The following RAG1 variants were observed in gnomAD, a reference collection of about 807,000 sequenced individuals.
RAG1 encodes the protein V(D)J recombination-activating protein 1.
A neutral mutation model predicts 62.7 loss-of-function variants in RAG1; 35 were observed. The observed-to-expected ratio is 0.56, with a 90% confidence interval of 0.43 to 0.74. RAG1 has a LOEUF of 0.74. Ranked by LOEUF, RAG1 falls within the 30% of genes least tolerant of loss-of-function variation. The probability of loss-of-function intolerance (pLI) is 0.00; values close to 1 mark genes in which losing one functional copy is unlikely to be tolerated. For missense variants in RAG1, 1,169 were observed against 1,278.6 expected (o/e 0.91, Z 1.31); for synonymous variants, 461 against 470.3 (o/e 0.98, Z 0.26).
intron 2 of RAG1, among the ~76,000 whole-genome samples, chr11:36,528,101 A>T (rs544494251): frequency 2.0e-5 from 3 of 152,168 alleles, no homozygotes; most frequent in Admixed American, 1.3e-4. Context: ...ACAAAAAATT[A>T]ATGATATTCA....
In RAG1 at chr11:36,573,498, T is replaced by G; in HGVS notation, c.194T>G (p.Val65Gly). The G allele has an allele frequency of 6.2e-7, 1 of 1,614,160 alleles. No individual in the cohort carries two copies. The highest frequency in any genetic ancestry group is 8.5e-7 in the Non-Finnish European group (1 of 1,180,020). ...CCCTCTCTGGAGCAATCTCCAGCAG[T>G]CCTGGACAAGGCTGATGGTCAGAAG... is the stretch of plus-strand genomic sequence containing the variant. The part of the protein sequence containing the change: ...GKPSLEQSPA[V>G]LDKADGQKPV... Residue 65 changes from valine (V) to glycine (G), a missense_variant, in exon 2 of 2, where the codon GTC becomes GGC. Val to Gly is a moderately radical substitution (Grantham distance 109). This residue lies in a region of RAG1 where 369 missense variants were observed against 335.3 expected (regional missense o/e 1.10). Transcript: ENST00000299440.
upstream of RAG1, among the ~76,000 whole-genome samples, chr11:36,566,269 C>T (rs1850660415): frequency 1.3e-5 from 2 of 152,158 alleles, no homozygotes; most frequent in Admixed American, 6.5e-5. Flanking sequence ...AACCAACCAA[C>T]TCTGTTCACC....
chr11:36,535,383 A>T (rs1356012908), intron 2 of RAG1, among the ~76,000 whole-genome samples: 3 of 152,148 alleles, frequency 2.0e-5, no homozygotes, highest in Admixed American at 6.5e-5. Context: ...CAGCATTTTT[A>T]AAAAATAGGA....
intron 2 of RAG1, among the ~76,000 whole-genome samples, chr11:36,529,076 G>A (rs1860211598): frequency 6.6e-6 from 1 of 152,088 alleles, no homozygotes; most frequent in Non-Finnish European, 1.5e-5. Flanking sequence ...TAGAGGAGCT[G>A]GTACCATTCC....
In RAG1 at chr11:36,574,370, G is replaced by A. The variant is rs777281925; in HGVS notation, c.1066G>A (p.Val356Met). The A allele has an allele frequency of 1.4e-5, 23 of 1,614,086 alleles. No homozygotes were observed. The South Asian group carries it at 2.3e-4, about 16-fold the overall frequency. The change falls in exon 2 of 2, where the codon GTG becomes ATG. Residue 356 changes from valine (V) to methionine (M), a missense_variant. Val to Met is a conservative substitution (Grantham distance 21). Around this residue, in one of 2 missense-constraint regions of RAG1, gnomAD observed 800 missense variants for 943.3 expected, o/e 0.85. Coordinates refer to ENST00000299440, the MANE Select transcript of RAG1 (RefSeq NM_000448.3). The part of the protein sequence containing the change: ...SFLSVLNSLM[V>M]KCPAKECNEE... ...TCTGAGCGTCTTGAATTCCCTGATG[G>A]TGAAATGTCCAGCAAAAGAGTGCAA...
In RAG1 at chr11:36,576,853, A is replaced by C. The variant is rs1850860748; in HGVS notation, c.*417A>C. ...TTGATTGATTATATTTTGTATTGAG[A>C]TATGATAAGTGCCTTCTATTTCATT... is the stretch of plus-strand genomic sequence containing the variant. On this transcript the variant is annotated 3_prime_UTR_variant, in exon 2 of 2. Coordinates refer to ENST00000299440, the MANE Select transcript of RAG1 (RefSeq NM_000448.3). The C allele has an allele frequency of 4.9e-6, 1 of 203,782 alleles. No individual in the cohort carries two copies. The highest frequency in any genetic ancestry group is 5.3e-5 in the Admixed American group (1 of 18,884). 12.6% of individuals were successfully genotyped at this position (203,782 alleles called of 1,614,324 possible).
upstream of RAG1, among the ~76,000 whole-genome samples, chr11:36,566,289 C>T (rs1352712335): frequency 2.0e-5 from 3 of 152,152 alleles, no homozygotes; most frequent in African/African-American, 7.2e-5. Context: ...CGTAGACTCT[C>T]GGTGCTAAAC....
Position 36,575,450 on chromosome 11 carries a change from C to T in RAG1, c.2146C>T (p.Arg716Trp), listed in dbSNP as rs199776076. ...CACCGGCTATGATGAAAAACTTGTG[C>T]GGGAAGTGGAAGGCCTCGAGGCTTC... is the stretch of plus-strand genomic sequence containing the variant. ...RGTGYDEKLV[R>W]EVEGLEASGS... Residue 716 changes from arginine (R) to tryptophan (W), a missense_variant, in exon 2 of 2, where the codon CGG becomes TGG. Arg to Trp is a moderately radical substitution (Grantham distance 101). Coordinates refer to ENST00000299440, the MANE Select transcript of RAG1 (RefSeq NM_000448.3). This position sits in a 1 kb window ranked among gnomAD's most constrained non-coding sequence, Gnocchi z 4.1. 22 of 1,613,982 alleles carry T rather than the reference C, an allele frequency of 1.4e-5. No homozygotes were observed. Among genetic ancestry groups the T allele is most frequent in the African/African-American group, 4.0e-5 (3 of 74,892 alleles).
downstream of RAG1, among the ~76,000 whole-genome samples, chr11:36,537,970 C>T (rs574596311): frequency 2.0e-5 from 3 of 152,042 alleles, no homozygotes; most frequent in Non-Finnish European, 2.9e-5. Context: ...TCTTTTAAAG[C>T]ATAAATTTAT....
intron 1 of RAG1, among the ~76,000 whole-genome samples, chr11:36,519,089 T>C (rs1860038586): frequency 6.6e-6 from 1 of 152,230 alleles, no homozygotes; most frequent in Admixed American, 6.5e-5. Context: ...GGAAGATTTC[T>C]AAAATGGTTA....
chr11:36,522,474 A>G lies in RAG1; in HGVS notation n.428+2245A>G, dbSNP rs576811975. Among the ~76,000 whole-genome samples, 5 of 152,382 alleles carry G rather than the reference A, an allele frequency of 3.3e-5. No homozygotes were observed. The South Asian group carries it at 1.0e-3, about 32-fold the overall frequency. On this transcript the variant is annotated intron_variant and non_coding_transcript_variant, in intron 2 of 2. Transcript: ENST00000529126. Reference sequence around the variant, plus strand: ...CTCTGCCTAGATTTCAGAAAGATGTATGGAAACGCCTGGATGCCCAGGCAG... The same window carrying G: ...CTCTGCCTAGATTTCAGAAAGATGTGTGGAAACGCCTGGATGCCCAGGCAG...
chr11:36,511,879 T>G (rs935195664), intron 1 of RAG1, among the ~76,000 whole-genome samples: 1 of 152,212 alleles, frequency 6.6e-6, no homozygotes, highest in African/African-American at 2.4e-5. Flanking sequence ...ATAACCTCCA[T>G]GAACTACAAT....
At chr11:36,558,142 A>T (rs185332187) in intron 3 of RAG1, among the ~76,000 whole-genome samples, 29 of 152,256 alleles carry the variant, frequency 1.9e-4, no homozygotes, top group African/African-American at 6.7e-4. Context: ...AAGATACTTG[A>T]TATGATTTCA....
chr11:36,530,631 T>G (rs2133255516), intron 2 of RAG1, among the ~76,000 whole-genome samples: 1 of 152,116 alleles, frequency 6.6e-6, no homozygotes, highest in Middle Eastern at 3.4e-3. Flanking sequence ...TTTGGATATT[T>G]TTTTCTAACT....
At chr11:36,545,063 AT>A (rs1298991915) in intron 3 of RAG1, among the ~76,000 whole-genome samples, 3 of 152,240 alleles carry the variant, frequency 2.0e-5, no homozygotes, top group Non-Finnish European at 4.4e-5. Context: ...GAAAAGATAG[AT>A]TAGAATTTAT....
In RAG1 at chr11:36,579,058, C is replaced by T. The variant is rs1850895547; in HGVS notation, c.*2622C>T. On this transcript the variant is annotated 3_prime_UTR_variant, in exon 2 of 2. Coordinates refer to ENST00000299440, the MANE Select transcript of RAG1 (RefSeq NM_000448.3). Reference sequence around the variant, plus strand: ...CAAAAGGAGCCTTGGGATTAATAAACATGCACTGAGAAGCAAGAGGAGGAG... The same window carrying T: ...CAAAAGGAGCCTTGGGATTAATAAATATGCACTGAGAAGCAAGAGGAGGAG... 6.0e-6 allele frequency: 1 copy of T among 167,106 alleles called. No individual in the cohort carries two copies. Among genetic ancestry groups the T allele is most frequent in the Admixed American group, 6.5e-5 (1 of 15,290 alleles). 10.4% of individuals were successfully genotyped at this position (167,106 alleles called of 1,614,324 possible).
chr11:36,564,377 T>G (rs750463683), upstream of RAG1, among the ~76,000 whole-genome samples: 12 of 151,960 alleles, frequency 7.9e-5, no homozygotes, highest in Admixed American at 2.0e-4. Flanking sequence ...TCTACAAAGG[T>G]AAGTGATGGT....
chr11:36,537,331 C>T (rs1860347466), downstream of RAG1, among the ~76,000 whole-genome samples: 1 of 152,046 alleles, frequency 6.6e-6, no homozygotes, highest in African/African-American at 2.4e-5. Context: ...TGTAAAAGAA[C>T]ATAAGAAAAT....
chr11:36,511,712 G>A (rs1859925530), intron 1 of RAG1, among the ~76,000 whole-genome samples: 1 of 152,144 alleles, frequency 6.6e-6, no homozygotes, highest in African/African-American at 2.4e-5. Flanking sequence ...AACATTGCCA[G>A]CCTTTGTGTA....
Sources: allele counts gnomAD v4.1 joint callset (sites outside exome capture counted in the v4.1 genomes callset), GRCh38; gene constraint gnomAD v4.1.1; regional missense constraint gnomAD v4.1.1; non-coding constraint Gnocchi (gnomAD v3.1); transcripts MANE v1.5; gene names NCBI Gene and HGNC (gene_info 2026-07-23, HGNC 2026-07-21).